The following EFR3B variants were observed in gnomAD, a reference collection of about 807,000 sequenced individuals.
EFR3B encodes the protein EFR3 homolog B, also known as protein EFR3 homolog B.
EFR3B carries 64 observed loss-of-function variants against 104.7 expected under a neutral mutation model. The observed-to-expected ratio is 0.61, with a 90% CI of 0.50 to 0.75. The LOEUF (loss-of-function observed/expected upper bound fraction) is 0.75, where lower values mean the gene tolerates loss of function less well. EFR3B is among the 30% of genes least tolerant of loss of function. EFR3B has a pLI of 0.00. For missense variants in EFR3B, 750 were observed against 1,078.5 expected (o/e 0.70, Z 4.27); for synonymous variants, 385 against 417.9 (o/e 0.92, Z 0.96).
At chr2:25,148,164 T>G (rs1040207709) in intron 19 of EFR3B, among the ~76,000 whole-genome samples, 1 of 152,004 alleles carries the variant, frequency 6.6e-6, no homozygotes, top group African/African-American at 2.4e-5. Flanking sequence ...CTTTGAGTTT[T>G]ATTATTTTCT....
intron 1 of EFR3B, among the ~76,000 whole-genome samples, chr2:25,053,388 C>T (rs1276775751): frequency 6.6e-6 from 1 of 152,078 alleles, no homozygotes; most frequent in East Asian, 1.9e-4. Flanking sequence ...GTACAAGCAC[C>T]GACAATGGCC....
At position 25,152,758 on chromosome 2, in the gene EFR3B, T is replaced by C. The variant is rs539436427; in HGVS notation, c.2298+738T>C. 9.3e-4 allele frequency among the ~76,000 whole-genome samples: 141 copies of C among 152,134 alleles called. 1 individual carries two copies. The highest frequency in any genetic ancestry group is 3.2e-3 in the African/African-American group (134 of 41,526). On this transcript the variant is annotated intron_variant, in intron 21 of 22. Transcript: ENST00000403714. ...ACATTCAAAATCTACAAATAACCTA[T>C]TCTCCTAACAAAATATAATATGTAT...
chr2:25,046,724 C>T (rs1558579371), intron 1 of EFR3B, among the ~76,000 whole-genome samples: 1 of 151,850 alleles, frequency 6.6e-6, no homozygotes, highest in East Asian at 2.0e-4. Flanking sequence ...AGGATGGTCT[C>T]GATCTCCTGA....
At chr2:25,091,519 C>T (rs1297830869) in intron 2 of EFR3B, 118 bp downstream of exon 2, 1 of 888,986 alleles carries the variant, frequency 1.1e-6, no homozygotes, top group East Asian at 2.9e-5. Flanking sequence ...CTCAGGGTCC[C>T]TGGGCACTGA....
intron 6 of EFR3B, among the ~76,000 whole-genome samples, chr2:25,128,794 T>TAA (rs556493534): frequency 7.2e-4 from 106 of 147,710 alleles, no homozygotes; most frequent in Non-Finnish European, 9.3e-4. Context: ...GCGTCTCTAC[T>TAA]AAAAAAAAAT....
In EFR3B at chr2:25,157,554, G is replaced by A. The variant is rs1671207107; in HGVS notation, c.*3214G>A. 6.6e-6 allele frequency: 1 copy of A among 152,272 alleles called. No individual in the cohort carries two copies. The highest frequency in any genetic ancestry group is 2.4e-5 in the African/African-American group (1 of 41,458). 9.4% of individuals were successfully genotyped at this position (152,272 alleles called of 1,614,324 possible). A position where few individuals can be genotyped will look rare whatever the true frequency, so the allele number is the denominator to read the frequency against. ...GCGAAGAGGAGTCAGTAAGCCCATTGAGACCGGCTGCTCCCAAAGCCCGAG... is the reference window on the plus strand; with the variant it reads ...GCGAAGAGGAGTCAGTAAGCCCATTAAGACCGGCTGCTCCCAAAGCCCGAG... On this transcript the variant is annotated 3_prime_UTR_variant, in exon 23 of 23. Transcript: ENST00000403714.
chr2:25,142,293 A>G (rs1029899321), intron 17 of EFR3B, among the ~76,000 whole-genome samples: 2 of 151,978 alleles, frequency 1.3e-5, no homozygotes, highest in African/African-American at 4.8e-5. Flanking sequence ...AAATACAAAA[A>G]TTAGCCAGGT....
At chr2:25,091,737 GAT>G (rs1280225024) in intron 2 of EFR3B, among the ~76,000 whole-genome samples, 1 of 152,220 alleles carries the variant, frequency 6.6e-6, no homozygotes, top group Non-Finnish European at 1.5e-5. Context: ...CTCTTTGAGT[GAT>G]CGTAGCTCCC....
At chr2:25,133,665 A>G (rs1224741541) in intron 12 of EFR3B, among the ~76,000 whole-genome samples, 2 of 152,158 alleles carry the variant, frequency 1.3e-5, no homozygotes, top group East Asian at 3.9e-4. Context: ...AATTTTCACA[A>G]AGGTTCCTTA....
chr2:25,073,042 G>T (rs937456166), intron 1 of EFR3B, among the ~76,000 whole-genome samples: 3 of 152,220 alleles, frequency 2.0e-5, no homozygotes, highest in African/African-American at 7.2e-5. Context: ...ATATGGAAAA[G>T]ATTTGATGCA....
At chr2:25,112,588 A>G (rs921223176) in intron 4 of EFR3B, among the ~76,000 whole-genome samples, 4 of 152,208 alleles carry the variant, frequency 2.6e-5, no homozygotes, top group African/African-American at 9.6e-5. Context: ...GGGAATTGCT[A>G]TAAACAAGGA....
At chr2:25,063,562 GTTAC>G (rs560391816) in intron 1 of EFR3B, among the ~76,000 whole-genome samples, 125 of 152,296 alleles carry the variant, frequency 8.2e-4, no homozygotes, top group African/African-American at 2.9e-3. Context: ...CTTTGGAAGT[GTTAC>G]TTAACTGCCC....
chr2:25,092,916 A>G, intron 2 of EFR3B, 87 bp from the exon 3 acceptor site: 1 of 1,474,962 alleles, frequency 6.8e-7, no homozygotes, highest in Non-Finnish European at 9.0e-7. Flanking sequence ...GTAAATGTTG[A>G]TTCCGTCGAA....
intron 1 of EFR3B, among the ~76,000 whole-genome samples, chr2:25,082,054 G>T (rs1342393736): frequency 6.6e-6 from 1 of 152,248 alleles, no homozygotes; most frequent in Non-Finnish European, 1.5e-5. Context: ...GGGTCACAGG[G>T]ACGCAGATGC....
At chr2:25,089,663 C>T (rs982182383) in intron 1 of EFR3B, among the ~76,000 whole-genome samples, 12 of 152,122 alleles carry the variant, frequency 7.9e-5, no homozygotes, top group African/African-American at 2.9e-4. Context: ...GGAGCTGTCC[C>T]ATCACAAGAA....
chr2:25,146,450 G>A (rs1369526564), intron 19 of EFR3B: 6 of 152,326 alleles, frequency 3.9e-5, no homozygotes, highest in Non-Finnish European at 5.9e-5. Flanking sequence ...GTAAAATGAG[G>A]TTGAACGAGG....
intron 6 of EFR3B, 68 bp from the exon 7 acceptor site, chr2:25,129,907 C>G (rs571343036): frequency 6.6e-7 from 1 of 1,516,784 alleles, no homozygotes; most frequent in South Asian, 1.2e-5. Flanking sequence ...ACACGGAAAG[C>G]CGGGATTGTA....
At chr2:25,103,382 T>G (rs1203318315) in intron 3 of EFR3B, among the ~76,000 whole-genome samples, 1 of 152,258 alleles carries the variant, frequency 6.6e-6, no homozygotes, top group East Asian at 1.9e-4. Flanking sequence ...TCCGTCGTCC[T>G]GTTCTTAATC....
chr2:25,113,216 A>G (rs1354393939), intron 4 of EFR3B, among the ~76,000 whole-genome samples: 2 of 152,154 alleles, frequency 1.3e-5, no homozygotes, highest in Non-Finnish European at 2.9e-5. Context: ...CATCATTGCT[A>G]TATCTTAAAA....
Sources: gnomAD v4.1 joint callset for allele counts (sites outside exome capture counted in the v4.1 genomes callset) on GRCh38, gnomAD v4.1.1 for gene constraint, MANE v1.5 for transcripts, NCBI Gene and HGNC (gene_info 2026-07-23, HGNC 2026-07-21) for gene names.